Variants in ITPRID1 observed in about 807,000 individuals in gnomAD.
The protein encoded by ITPRID1 is ITPR interacting domain containing 1.
Under a neutral mutation model 95.4 loss-of-function variants are expected in ITPRID1, and 96 were observed. The observed-to-expected ratio is 1.01, with a 90% CI of 0.85 to 1.19. The LOEUF (loss-of-function observed/expected upper bound fraction) is 1.19. Among genes scored for constraint, ITPRID1 ranks in the 50% most tolerant of loss-of-function variants. The pLI is 0.00. For synonymous variants in ITPRID1, 510 were observed against 453.6 expected (o/e 1.12, Z -1.58); for missense variants, 1,339 against 1,252.9 (o/e 1.07, Z -1.04).
chr7:31,620,798 G>A (rs189496447), intron 10 of ITPRID1, among the ~76,000 whole-genome samples: 192 of 152,238 alleles, frequency 1.3e-3, no homozygotes, highest in African/African-American at 4.0e-3. Flanking sequence ...GACATCAGAC[G>A]ATCAAACTAC....
At chr7:31,625,215 C>T (rs537315983) in intron 10 of ITPRID1, among the ~76,000 whole-genome samples, 34 of 152,118 alleles carry the variant, frequency 2.2e-4, no homozygotes, top group South Asian at 1.7e-3. Flanking sequence ...GTCAGTGTGG[C>T]GATTCCTCAG....
intron 5 of ITPRID1, among the ~76,000 whole-genome samples, chr7:31,560,113 G>A (rs565054960): frequency 6.6e-6 from 1 of 152,190 alleles, no homozygotes; most frequent in Non-Finnish European, 1.5e-5. Flanking sequence ...CCTGAAAGAA[G>A]TGAAGGAGGG....
chr7:31,618,020 A>G (rs2058280), intron 10 of ITPRID1, among the ~76,000 whole-genome samples: 67,537 of 151,940 alleles, frequency 0.44, 15,258 homozygotes, highest in East Asian at 0.55. Flanking sequence ...GAGCGTTTCC[A>G]GTAGTTGTGG....
In ITPRID1 at chr7:31,569,850, C is replaced by G. The variant is rs1016612681; in HGVS notation, c.308+41C>G. ...AGTGTTACTTCATGCCAATATTTTG[C>G]AGCCACACCTTTGCTGAATAAAATA... On this transcript the variant is annotated intron_variant, in intron 6 of 14. Coordinates refer to ENST00000615280, the MANE Select transcript of ITPRID1 (RefSeq NM_001257967.3). 8 of 1,505,704 alleles carry G rather than the reference C, an allele frequency of 5.3e-6. No individual in the cohort carries two copies. The Admixed American group carries it at 1.4e-4, about 27-fold the overall frequency. The allele number at this position is 1,505,704 out of a possible 1,614,324, so 93.3% of individuals were successfully genotyped here.
chr7:31,557,326 C>T (rs1181713700), intron 5 of ITPRID1, among the ~76,000 whole-genome samples: 2 of 151,978 alleles, frequency 1.3e-5, no homozygotes, highest in African/African-American at 4.8e-5. Flanking sequence ...ACAGGTGACC[C>T]AGTGCTTCCC....
At chr7:31,620,751 C>G (rs972208799) in intron 10 of ITPRID1, among the ~76,000 whole-genome samples, 9 of 152,138 alleles carry the variant, frequency 5.9e-5, no homozygotes, top group African/African-American at 9.7e-5. Flanking sequence ...TGGAACAAAG[C>G]TGGATGGAGA....
rs11345351 is a variant in ITPRID1 at position 31,647,673 on chromosome 7, C to CA, written c.2584-3447dup. 9.7e-3 allele frequency among the ~76,000 whole-genome samples: 669 copies of CA among 69,292 alleles called. 13 individuals carry two copies. The highest frequency in any genetic ancestry group is 0.013 in the Non-Finnish European group (462 of 36,218). 45.5% of individuals were successfully genotyped at this position (69,292 alleles called of 152,430 possible). ...TGAGCAACAGAGAGAGTCTCCGTCT[C>CA]AAAAAAAAAAAAAAAAAAAAAAGAA... On this transcript the variant is annotated intron_variant, in intron 12 of 14. Coordinates refer to ENST00000615280, the MANE Select transcript of ITPRID1 (RefSeq NM_001257967.3).
At chr7:31,647,491 G>A (rs562744116) in intron 12 of ITPRID1, among the ~76,000 whole-genome samples, 3 of 130,452 alleles carry the variant, frequency 2.3e-5, no homozygotes, top group East Asian at 2.3e-4. Flanking sequence ...GCAAAACCCC[G>A]TCTCCATTAA....
Position 31,540,947 on chromosome 7 carries a change from A to G in ITPRID1, c.-97-8479A>G, listed in dbSNP as rs543691848. The stretch of plus-strand genomic sequence containing the variant: ...TCCTTAAAGGAAAGCACACCATTCC[A>G]GTCAAAGCCTTGGTAAAAATAACCA... On this transcript the variant is annotated intron_variant, in intron 1 of 14. Coordinates refer to ENST00000615280, the MANE Select transcript of ITPRID1 (RefSeq NM_001257967.3). Among the ~76,000 whole-genome samples the G allele has an allele frequency of 2.3e-3, 357 of 152,368 alleles. 1 individual carries two copies. The highest frequency in any genetic ancestry group is 8.0e-3 in the African/African-American group (331 of 41,592).
intron 10 of ITPRID1, among the ~76,000 whole-genome samples, chr7:31,620,630 C>A (rs1035782532): frequency 2.0e-5 from 3 of 150,166 alleles, no homozygotes; most frequent in Middle Eastern, 3.4e-3. Context: ...CATCAAAGAC[C>A]AAAAGTAGAT....
At chr7:31,533,978 T>C (rs1347882437) in intron 1 of ITPRID1, among the ~76,000 whole-genome samples, 1 of 152,136 alleles carries the variant, frequency 6.6e-6, no homozygotes, top group Non-Finnish European at 1.5e-5. Context: ...GAGCAAGCAT[T>C]ATTGCCTGGG....
intron 10 of ITPRID1, among the ~76,000 whole-genome samples, chr7:31,610,463 T>C (rs1282744502): frequency 6.6e-6 from 1 of 151,820 alleles, no homozygotes; most frequent in Non-Finnish European, 1.5e-5. Context: ...CTAAATAGAT[T>C]AAACATTTCA....
intron 2 of ITPRID1, among the ~76,000 whole-genome samples, chr7:31,550,710 G>A (rs1170962600): frequency 9.7e-6 from 1 of 102,820 alleles, no homozygotes; most frequent in Non-Finnish European, 2.4e-5. Context: ...TTTAGCAAGG[G>A]TTCCCATTTT....
rs1449391710 is a variant in ITPRID1, at chr7:31,651,175, A to AAG, written c.2617_2618insAG (p.Ile873LysfsTer10). On this transcript the variant is annotated frameshift_variant, in exon 13 of 15. Coordinates refer to ENST00000615280, the MANE Select transcript of ITPRID1 (RefSeq NM_001257967.3). LOFTEE classifies it high-confidence loss of function. ...CCATGAGATGGAAGCCATGAAGACG[A>AAG]TATGCCAAAGTTTCCGGGAGTATTT... The AAG allele has an allele frequency of 6.2e-7, 1 of 1,613,576 alleles. No homozygotes were observed. Among genetic ancestry groups the AAG allele is most frequent in the South Asian group, 1.1e-5 (1 of 91,064 alleles).
At chr7:31,537,095 T>TGTTGTG (rs112444528) in intron 1 of ITPRID1, among the ~76,000 whole-genome samples, 2 of 145,568 alleles carry the variant, frequency 1.4e-5, no homozygotes, top group East Asian at 2.1e-4. Flanking sequence ...GGTGTGTGTG[T>TGTTGTG]TGTGTGTGTG....
chr7:31,519,620 C>CTCTCTCCATATATATA lies in ITPRID1; in HGVS notation c.-98+5501_-98+5502insCTCTCCATATATATAT. Among the ~76,000 whole-genome samples, 16 of 25,266 alleles carry CTCTCTCCATATATATA rather than the reference C, an allele frequency of 6.3e-4. 2 individuals are homozygous for CTCTCTCCATATATATA. The highest frequency in any genetic ancestry group is 4.1e-3 in the Admixed American group (7 of 1,698). 16.6% of individuals were successfully genotyped at this position (25,266 alleles called of 152,430 possible). A position where few individuals can be genotyped will look rare whatever the true frequency, so the allele number is the denominator to read the frequency against. ...TCTCTCTCTCTCTCTCTCTCTCTCT[C>CTCTCTCCATATATATA]TATATATATATATATATATATATAT... On this transcript the variant is annotated intron_variant, in intron 1 of 14. Transcript: ENST00000615280.
intron 1 of ITPRID1, among the ~76,000 whole-genome samples, chr7:31,525,607 A>C (rs1783399880): frequency 6.6e-6 from 1 of 152,214 alleles, no homozygotes; most frequent in Admixed American, 6.5e-5. Context: ...CTATAGAAAG[A>C]TTGAATTGAC....
intron 10 of ITPRID1, among the ~76,000 whole-genome samples, chr7:31,608,681 TA>T (rs1436160937): frequency 4.0e-5 from 6 of 151,842 alleles, no homozygotes; most frequent in Non-Finnish European, 1.5e-5. Flanking sequence ...TATGTAGAAA[TA>T]AAATTATTTT....
chr7:31,606,020 G>A (rs530990419), intron 10 of ITPRID1, among the ~76,000 whole-genome samples: 25 of 152,256 alleles, frequency 1.6e-4, no homozygotes, highest in Non-Finnish European at 2.8e-4. Flanking sequence ...AATAGGTTTT[G>A]AAATTTATTT....
Sources: allele counts gnomAD v4.1 joint callset (sites outside exome capture counted in the v4.1 genomes callset), GRCh38; gene constraint gnomAD v4.1.1; transcripts MANE v1.5; gene names NCBI Gene and HGNC (gene_info 2026-07-23, HGNC 2026-07-21).